VWA8: variants seen among roughly 807,000 people sequenced by gnomAD.
VWA8 encodes von Willebrand factor A domain containing 8, also known as von Willebrand factor A domain-containing protein 8.
In VWA8, 221 loss-of-function variants were observed where a neutral mutation model predicts 241.5. The ratio of observed to expected loss-of-function variants is 0.91; its 90% CI spans 0.82 to 1.02. The LOEUF is 1.02. VWA8 is among the 50% of genes least tolerant of loss of function. The pLI, the probability that VWA8 is intolerant of heterozygous loss-of-function variation, is 0.00. For missense variants in VWA8, 2,322 were observed against 2,328.7 expected (o/e 1.00, Z 0.06); for synonymous variants, 852 against 827.1 (o/e 1.03, Z -0.52).
intron 17 of VWA8, among the ~76,000 whole-genome samples, chr13:41,788,973 T>C (rs762311236): frequency 2.6e-5 from 4 of 152,182 alleles, no homozygotes; most frequent in Non-Finnish European, 2.9e-5. Context: ...CACGGATGCC[T>C]TCCCTTCACC....
chr13:41,891,739 C>A, intron 4 of VWA8, 152 bp from the exon 5 acceptor site: 1 of 799,422 alleles, frequency 1.3e-6, no homozygotes, highest in Non-Finnish European at 1.9e-6. Context: ...GCTTTTTCTG[C>A]CTATATGATC....
At chr13:41,575,223 G>T (rs527973397) in intron 43 of VWA8, among the ~76,000 whole-genome samples, 1 of 152,214 alleles carries the variant, frequency 6.6e-6, no homozygotes, top group South Asian at 2.1e-4. Context: ...AGGACACAAA[G>T]ACATAAGAGT....
At chr13:41,730,142 G>C (rs1208554905) in intron 22 of VWA8, among the ~76,000 whole-genome samples, 1 of 152,132 alleles carries the variant, frequency 6.6e-6, no homozygotes, top group Non-Finnish European at 1.5e-5. Context: ...CAAATGGATA[G>C]TGGAGAAAAG....
chr13:41,692,075 T>C (rs1205919756), intron 30 of VWA8, 137 bp from the exon 31 acceptor site: 5 of 603,262 alleles, frequency 8.3e-6, no homozygotes, highest in African/African-American at 1.9e-5. Flanking sequence ...TATCTATTTA[T>C]CTGCTCTAAG....
intron 39 of VWA8, among the ~76,000 whole-genome samples, chr13:41,610,590 T>C (rs557261517): frequency 6.6e-6 from 1 of 152,358 alleles, no homozygotes; most frequent in Non-Finnish European, 1.5e-5. Flanking sequence ...ACTTGCAGGA[T>C]GTGGAAGCAC....
intron 26 of VWA8, among the ~76,000 whole-genome samples, chr13:41,718,934 A>G (rs1163950271): frequency 6.6e-6 from 1 of 151,886 alleles, no homozygotes; most frequent in African/African-American, 2.4e-5. Flanking sequence ...GGCATATTGA[A>G]AACTATTTTC....
intron 9 of VWA8, among the ~76,000 whole-genome samples, chr13:41,871,716 T>G (rs1213231223): frequency 6.6e-6 from 1 of 152,266 alleles, no homozygotes; most frequent in East Asian, 1.9e-4. Context: ...TGTTGGACAT[T>G]TGGGTTGGTT....
At chr13:41,808,700 C>T (rs1335034641) in intron 17 of VWA8, among the ~76,000 whole-genome samples, 2 of 152,016 alleles carry the variant, frequency 1.3e-5, no homozygotes, top group Non-Finnish European at 2.9e-5. Flanking sequence ...TGAAACAAGG[C>T]AAGGATACAC....
intron 39 of VWA8, among the ~76,000 whole-genome samples, chr13:41,610,792 T>C (rs4942070): frequency 0.55 from 83,079 of 152,114 alleles, 23,198 homozygotes; most frequent in South Asian, 0.71. Context: ...TCACTTTTAG[T>C]TGAAGCACAC....
chr13:41,672,347 C>G (rs925304739), intron 36 of VWA8, among the ~76,000 whole-genome samples: 1 of 152,074 alleles, frequency 6.6e-6, no homozygotes, highest in Non-Finnish European at 1.5e-5. Context: ...GCAAATTTGT[C>G]TGTAAGAGTC....
At chr13:41,914,724 A>G (rs1382616380) in intron 2 of VWA8, among the ~76,000 whole-genome samples, 1 of 152,160 alleles carries the variant, frequency 6.6e-6, no homozygotes. Context: ...GGCATTCTCT[A>G]TAGTACTCTC....
rs539590454 is a variant in VWA8, at chr13:41,810,268, T to C, written c.2063+957A>G. Among the ~76,000 whole-genome samples the C allele has an allele frequency of 5.2e-4, 79 of 152,242 alleles. 5 individuals carry two copies. The highest frequency in any genetic ancestry group is 1.9e-3 in the African/African-American group (78 of 41,548). ...CAATCCTAGGTATAGGCTAGGTATATGCCCGGTATATGCCCAACAGAAAGA... is the reference window on the plus strand; with the variant it reads ...CAATCCTAGGTATAGGCTAGGTATACGCCCGGTATATGCCCAACAGAAAGA... On this transcript the variant is annotated intron_variant, in intron 17 of 44. Coordinates refer to ENST00000379310, the MANE Select transcript of VWA8 (RefSeq NM_015058.2).
chr13:41,796,327 G>A (rs1350646285), intron 17 of VWA8, among the ~76,000 whole-genome samples: 1 of 151,986 alleles, frequency 6.6e-6, no homozygotes, highest in East Asian at 1.9e-4. Flanking sequence ...AAACCACTCA[G>A]GAATGGTCTT....
intron 21 of VWA8, among the ~76,000 whole-genome samples, chr13:41,744,341 G>A (rs971603430): frequency 1.3e-5 from 2 of 152,176 alleles, no homozygotes; most frequent in Non-Finnish European, 2.9e-5. Flanking sequence ...AATGAATGAA[G>A]ATAAATGTAT....
At chr13:41,756,626 T>C (rs2045696659) in intron 21 of VWA8, among the ~76,000 whole-genome samples, 1 of 151,732 alleles carries the variant, frequency 6.6e-6, no homozygotes, top group African/African-American at 2.4e-5. Context: ...AGTATATACT[T>C]ATATGGCATC....
chr13:41,766,330 A>T (rs1288072769), intron 20 of VWA8, among the ~76,000 whole-genome samples: 2 of 152,218 alleles, frequency 1.3e-5, no homozygotes, highest in African/African-American at 4.8e-5. Context: ...GAGGAGAGAA[A>T]GAAAGAAATA....
intron 20 of VWA8, among the ~76,000 whole-genome samples, chr13:41,771,569 A>G (rs2045823285): frequency 6.6e-6 from 1 of 151,968 alleles, no homozygotes. Context: ...ACTCTTAGGG[A>G]CTTTTTTTTA....
intron 20 of VWA8, among the ~76,000 whole-genome samples, chr13:41,770,901 C>CAAAAAA (rs71096541): frequency 1.0e-5 from 1 of 98,384 alleles, no homozygotes; most frequent in Non-Finnish European, 2.0e-5. Flanking sequence ...CTTAAAATGA[C>CAAAAAA]AAAAAAAAAA....
chr13:41,792,345 TTG>T (rs1275051925), intron 17 of VWA8, among the ~76,000 whole-genome samples: 2 of 151,920 alleles, frequency 1.3e-5, no homozygotes, highest in African/African-American at 4.8e-5. Flanking sequence ...GTGGGATAAA[TTG>T]GAAAATCTTT....
Sources: gnomAD v4.1 joint callset for allele counts (sites outside exome capture counted in the v4.1 genomes callset) on GRCh38, gnomAD v4.1.1 for gene constraint, MANE v1.5 for transcripts, NCBI Gene and HGNC (gene_info 2026-07-23, HGNC 2026-07-21) for gene names.